CNTN4: variants seen among roughly 807,000 people sequenced by gnomAD.
CNTN4 encodes the protein contactin-4.
Under a neutral mutation model 122.5 loss-of-function variants are expected in CNTN4, and 77 were observed. The observed-to-expected ratio is 0.63, with a 90% CI of 0.52 to 0.76. The LOEUF (loss-of-function observed/expected upper bound fraction) is 0.76, where lower values mean the gene tolerates loss of function less well. Among genes scored for constraint, CNTN4 ranks in the 30% least tolerant of loss-of-function variants. The pLI, the probability that CNTN4 is intolerant of heterozygous loss-of-function variation, is 0.00. For synonymous variants in CNTN4, 512 were observed against 447.0 expected (o/e 1.15, Z -1.83); for missense variants, 1,256 against 1,259.1 (o/e 1.00, Z 0.04).
intron 6 of CNTN4, among the ~76,000 whole-genome samples, chr3:2,759,721 A>T (rs2090501624): frequency 6.6e-6 from 1 of 151,876 alleles, no homozygotes. Flanking sequence ...CTCAAAAAAA[A>T]AAAAAGTATG....
intron 18 of CNTN4, among the ~76,000 whole-genome samples, chr3:3,038,540 GCT>G (rs1699839668): frequency 6.6e-6 from 1 of 152,160 alleles, no homozygotes; most frequent in African/African-American, 2.4e-5. Flanking sequence ...CAGCTTGTAA[GCT>G]CTGCCTGGGC....
chr3:2,700,446 T>A (rs2086291701), intron 4 of CNTN4, among the ~76,000 whole-genome samples: 1 of 152,244 alleles, frequency 6.6e-6, no homozygotes, highest in Non-Finnish European at 1.5e-5. Flanking sequence ...CCAGAGATTT[T>A]CATCATTTCC....
At chr3:2,722,594 C>G (rs929891992) in intron 4 of CNTN4, among the ~76,000 whole-genome samples, 3 of 152,270 alleles carry the variant, frequency 2.0e-5, no homozygotes, top group Non-Finnish European at 4.4e-5. Context: ...TTTACCTCAT[C>G]TTAAGAAAGC....
At chr3:2,644,093 C>T (rs765599600) in intron 4 of CNTN4, among the ~76,000 whole-genome samples, 18 of 152,108 alleles carry the variant, frequency 1.2e-4, no homozygotes, top group African/African-American at 3.1e-4. Flanking sequence ...AGAGCACAAG[C>T]GCAGAGCCAG....
intron 4 of CNTN4, among the ~76,000 whole-genome samples, chr3:2,729,528 A>G (rs557183771): frequency 8.2e-6 from 1 of 121,832 alleles, no homozygotes; most frequent in Non-Finnish European, 1.6e-5. Flanking sequence ...TGGGCAACAG[A>G]GTGAGACTCC....
intron 6 of CNTN4, among the ~76,000 whole-genome samples, chr3:2,796,971 G>T (rs1485619974): frequency 6.6e-6 from 1 of 152,000 alleles, no homozygotes; most frequent in Non-Finnish European, 1.5e-5. Flanking sequence ...TCCCAAACTG[G>T]TGAATTCTGC....
intron 2 of CNTN4, among the ~76,000 whole-genome samples, chr3:2,213,761 C>T (rs1419919507): frequency 2.0e-5 from 3 of 152,114 alleles, no homozygotes; most frequent in East Asian, 1.9e-4. Context: ...TGAGATAGAG[C>T]CTTTCTCATA....
At chr3:2,642,827 G>T (rs2082951922) in intron 4 of CNTN4, among the ~76,000 whole-genome samples, 1 of 151,944 alleles carries the variant, frequency 6.6e-6, no homozygotes, top group African/African-American at 2.4e-5. Flanking sequence ...TTGAAACTTT[G>T]TCTGCCCCTC....
intron 10 of CNTN4, among the ~76,000 whole-genome samples, chr3:2,893,260 T>G (rs1338620326): frequency 1.3e-5 from 2 of 152,216 alleles, no homozygotes; most frequent in Non-Finnish European, 2.9e-5. Context: ...TGTTTGAGTA[T>G]CTCTAAGGTC....
intron 2 of CNTN4, among the ~76,000 whole-genome samples, chr3:2,120,962 G>A (rs1022675692): frequency 3.3e-5 from 5 of 152,116 alleles, no homozygotes; most frequent in African/African-American, 1.2e-4. Context: ...TGAGAAAACT[G>A]AGAATCAGAG....
chr3:2,988,544 T>C lies in CNTN4; in HGVS notation c.1486+72T>C, dbSNP rs1694786911. 2.0e-6 allele frequency: 3 copies of C among 1,504,818 alleles called. No homozygotes were observed. In the South Asian group the frequency reaches 3.4e-5, roughly 17 times the overall value. 93.2% of individuals were successfully genotyped at this position (1,504,818 alleles called of 1,614,324 possible). A position where few individuals can be genotyped will look rare whatever the true frequency, so the allele number is the denominator to read the frequency against. ...TGTCTAATAATGTAATCTACCGAAG[T>C]GGCATCATTCATATTAATATGTACA... On this transcript the variant is annotated intron_variant, in intron 14 of 24. Transcript: ENST00000418658.
chr3:2,135,236 A>G (rs2034633695), intron 2 of CNTN4, among the ~76,000 whole-genome samples: 1 of 152,172 alleles, frequency 6.6e-6, no homozygotes, highest in Non-Finnish European at 1.5e-5. Flanking sequence ...GGGCATGAAC[A>G]TAGGATAAAA....
intron 12 of CNTN4, among the ~76,000 whole-genome samples, chr3:2,922,303 G>A (rs888529572): frequency 6.6e-6 from 1 of 152,142 alleles, no homozygotes; most frequent in Non-Finnish European, 1.5e-5. Context: ...ATGTCAAATA[G>A]AACAGGTCCC....
At chr3:2,788,470 A>G (rs2091909199) in intron 6 of CNTN4, among the ~76,000 whole-genome samples, 1 of 152,248 alleles carries the variant, frequency 6.6e-6, no homozygotes, top group Admixed American at 6.5e-5. Context: ...CATTCACAAC[A>G]TTCTTACTGA....
chr3:2,637,375 C>G (rs532709845), intron 4 of CNTN4, among the ~76,000 whole-genome samples: 40 of 152,204 alleles, frequency 2.6e-4, no homozygotes, highest in Non-Finnish European at 3.5e-4. Context: ...GATTCTGATT[C>G]CAGGTATGGC....
At position 2,287,693 on chromosome 3, in the gene CNTN4, GGAAGAAGAAGAAGAAGAGGAAGAAGAA is replaced by G. The variant is rs2041973649; in HGVS notation, c.-144-51467_-144-51441del. 8.1e-3 allele frequency among the ~76,000 whole-genome samples: 659 copies of G among 80,874 alleles called. 10 individuals are homozygous for G. Among genetic ancestry groups the G allele is most frequent in the African/African-American group, 0.013 (296 of 21,966 alleles). The allele number at this position is 80,874 out of a possible 152,430, so 53.1% of individuals were successfully genotyped here. A position where few individuals can be genotyped will look rare whatever the true frequency, so the allele number is the denominator to read the frequency against. On this transcript the variant is annotated intron_variant, in intron 2 of 24. Transcript: ENST00000418658. ...AAGAAGAAGAAGAAGAAGAAGAAGA[GGAAGAAGAAGAAGAAGAGGAAGAAGAA>G]GAAGAAGAAGAAGAAGAAGAAGAAG...
intron 11 of CNTN4, 79 bp from the exon 12 acceptor site, chr3:2,902,797 G>C: frequency 6.8e-7 from 1 of 1,461,476 alleles, no homozygotes; most frequent in Non-Finnish European, 9.4e-7. Flanking sequence ...AAGCTTCCTT[G>C]ATATTACACA....
chr3:2,988,512 G>A (rs1339725405), intron 14 of CNTN4, 40 bp downstream of exon 14: 3 of 1,606,572 alleles, frequency 1.9e-6, no homozygotes, highest in Non-Finnish European at 2.6e-6. Context: ...TTATATATGT[G>A]TCCTCGTGTC....
At chr3:2,553,323 C>T (rs1007608647) in intron 3 of CNTN4, among the ~76,000 whole-genome samples, 2 of 152,124 alleles carry the variant, frequency 1.3e-5, no homozygotes, top group Non-Finnish European at 2.9e-5. Flanking sequence ...CTACAGCGTT[C>T]TGTCTCTATA....
Sources: allele counts gnomAD v4.1 joint callset (sites outside exome capture counted in the v4.1 genomes callset), GRCh38; gene constraint gnomAD v4.1.1; transcripts MANE v1.5; gene names NCBI Gene and HGNC (gene_info 2026-07-23, HGNC 2026-07-21).